RASA1: variants seen among roughly 807,000 people sequenced by gnomAD.
The protein encoded by RASA1 is RAS p21 protein activator 1, also known as ras GTPase-activating protein 1.
A neutral mutation model predicts 132.2 loss-of-function variants in RASA1; 25 were observed. The observed-to-expected ratio is 0.19, with a 90% CI of 0.14 to 0.26. The LOEUF (loss-of-function observed/expected upper bound fraction) is 0.26, where lower values mean the gene tolerates loss of function less well. RASA1 is among the 10% of genes least tolerant of loss of function. The pLI is 1.00. For missense variants in RASA1, 964 were observed against 1,299.2 expected (o/e 0.74, Z 3.97); for synonymous variants, 477 against 449.9 (o/e 1.06, Z -0.76).
At chr5:87,356,001 T>C (rs922664006) in intron 9 of RASA1, among the ~76,000 whole-genome samples, 15 of 152,358 alleles carry the variant, frequency 9.8e-5, no homozygotes, top group Admixed American at 3.9e-4. Context: ...GAGGAGTTGC[T>C]TGTTACGGAT....
intron 2 of RASA1, 123 bp from the exon 3 acceptor site, chr5:87,332,383 TA>T: frequency 1.0e-6 from 1 of 977,804 alleles, no homozygotes; most frequent in African/African-American, 1.6e-5. Flanking sequence ...GGTATTTTAG[TA>T]TAAGGATATA....
chr5:87,363,662 T>C (rs1357788862), intron 11 of RASA1, among the ~76,000 whole-genome samples, 158 bp downstream of exon 11: 1 of 152,098 alleles, frequency 6.6e-6, no homozygotes, highest in Non-Finnish European at 1.5e-5. Flanking sequence ...TGTAGACTAA[T>C]ATATACATAA....
At chr5:87,285,016 T>G (rs192329552) in intron 1 of RASA1, among the ~76,000 whole-genome samples, 14 of 151,726 alleles carry the variant, frequency 9.2e-5, no homozygotes, top group Admixed American at 8.5e-4. Context: ...TTTAAAGTGC[T>G]GCGGAGATAA....
intron 1 of RASA1, among the ~76,000 whole-genome samples, chr5:87,303,529 G>A (rs979836656): frequency 1.1e-4 from 16 of 151,890 alleles, no homozygotes; most frequent in African/African-American, 3.6e-4. Flanking sequence ...GTCTGCATTT[G>A]ATTTCTTCAC....
intron 1 of RASA1, among the ~76,000 whole-genome samples, chr5:87,270,417 G>T (rs1753774458): frequency 6.8e-6 from 1 of 146,234 alleles, no homozygotes; most frequent in Non-Finnish European, 1.5e-5. Flanking sequence ...GCGTGATCTC[G>T]GCTCACTGCA....
chr5:87,340,577 A>G (rs1010156849), intron 5 of RASA1, among the ~76,000 whole-genome samples: 6 of 152,152 alleles, frequency 3.9e-5, no homozygotes, highest in African/African-American at 1.2e-4. Flanking sequence ...GAGTAACACT[A>G]TTGTATCTTA....
At position 87,267,950 on chromosome 5, in the gene RASA1, T is replaced by G; in HGVS notation, c.-502T>G. On this transcript the variant is annotated 5_prime_UTR_variant, in exon 1 of 25. Coordinates refer to ENST00000274376, the MANE Select transcript of RASA1 (RefSeq NM_002890.3). Reference sequence around the variant, plus strand: ...CTCGTTACCCCGCCCCCCTTTCTCTTGCCCCCCCACCCCTCTCATCTGCCT... The same window carrying G: ...CTCGTTACCCCGCCCCCCTTTCTCTGGCCCCCCCACCCCTCTCATCTGCCT... 3 of 363,968 alleles carry G rather than the reference T, an allele frequency of 8.2e-6. No homozygotes were observed. The highest frequency in any genetic ancestry group is 2.2e-5 in the African/African-American group (1 of 46,060). The allele number at this position is 363,968 out of a possible 1,614,324, so 22.5% of individuals were successfully genotyped here.
intron 1 of RASA1, among the ~76,000 whole-genome samples, chr5:87,327,791 C>T (rs1338181194): frequency 4.6e-5 from 7 of 151,926 alleles, no homozygotes; most frequent in Non-Finnish European, 7.4e-5. Context: ...ATGGTGAAAC[C>T]CCGTCTCTAC....
intron 5 of RASA1, among the ~76,000 whole-genome samples, chr5:87,338,422 C>T (rs1173861754): frequency 1.3e-5 from 2 of 148,230 alleles, no homozygotes; most frequent in Non-Finnish European, 1.5e-5. Context: ...ACCTCCACCT[C>T]CCAGGTTCAA....
chr5:87,269,161 G>A (rs1580179897), intron 1 of RASA1, 171 bp downstream of exon 1: 1 of 1,612,408 alleles, frequency 6.2e-7, no homozygotes, highest in East Asian at 2.2e-5. Flanking sequence ...TTCCTTACAG[G>A]CATACTACCT....
intron 8 of RASA1, among the ~76,000 whole-genome samples, chr5:87,351,961 T>C (rs865793823): frequency 1.9e-4 from 29 of 151,854 alleles, no homozygotes; most frequent in African/African-American, 6.5e-4. Context: ...TTTCATAGAT[T>C]TGGTGCTTTT....
intron 1 of RASA1, among the ~76,000 whole-genome samples, chr5:87,289,725 C>T (rs950156672): frequency 6.6e-6 from 1 of 152,152 alleles, no homozygotes; most frequent in African/African-American, 2.4e-5. Flanking sequence ...ATCTTCCCAC[C>T]TCAGCCTTCC....
chr5:87,292,679 AT>A (rs1436482017), intron 1 of RASA1, among the ~76,000 whole-genome samples: 1 of 152,172 alleles, frequency 6.6e-6, no homozygotes, highest in African/African-American at 2.4e-5. Flanking sequence ...GTTTGTTGAT[AT>A]CCACAAAATA....
chr5:87,347,882 C>T (rs78913347), intron 7 of RASA1, among the ~76,000 whole-genome samples: 1,797 of 151,988 alleles, frequency 0.012, 27 homozygotes, highest in African/African-American at 0.041. Context: ...CCACCAAGTA[C>T]TTGAGGTACT....
chr5:87,349,177 G>T (rs528590847), intron 7 of RASA1, 37 bp from the exon 8 acceptor site: 1 of 1,604,566 alleles, frequency 6.2e-7, no homozygotes, highest in African/African-American at 1.3e-5. Context: ...TTTTTTATTT[G>T]ATAATTAGGG....
At chr5:87,300,421 T>C (rs1755311373) in intron 1 of RASA1, among the ~76,000 whole-genome samples, 1 of 152,004 alleles carries the variant, frequency 6.6e-6, no homozygotes, top group African/African-American at 2.4e-5. Context: ...TCCTAGCTAC[T>C]TGGGAGGCTG....
At chr5:87,337,251 A>C (rs1758041427) in intron 4 of RASA1, among the ~76,000 whole-genome samples, 1 of 152,052 alleles carries the variant, frequency 6.6e-6, no homozygotes, top group Admixed American at 6.6e-5. Context: ...AATTGTGTGG[A>C]GGTTGAAAAC....
At chr5:87,353,755 C>T (rs1759451344) in intron 9 of RASA1, among the ~76,000 whole-genome samples, 1 of 152,006 alleles carries the variant, frequency 6.6e-6, no homozygotes, top group African/African-American at 2.4e-5. Flanking sequence ...CAATGTCTTA[C>T]AGACAGGGTC....
intron 1 of RASA1, among the ~76,000 whole-genome samples, chr5:87,312,508 C>T (rs991964867): frequency 1.3e-5 from 2 of 152,152 alleles, no homozygotes; most frequent in African/African-American, 4.8e-5. Context: ...ATATTGACAG[C>T]TATAACCTAC....
Sources: allele counts gnomAD v4.1 joint callset (sites outside exome capture counted in the v4.1 genomes callset), GRCh38; gene constraint gnomAD v4.1.1; transcripts MANE v1.5; gene names NCBI Gene and HGNC (gene_info 2026-07-23, HGNC 2026-07-21).